The following TMEM267 variants were observed in gnomAD, a reference collection of about 807,000 sequenced individuals.
TMEM267 encodes the protein transmembrane protein 267.
Under a neutral mutation model 19.3 loss-of-function variants are expected in TMEM267, and 20 were observed. That is an observed-to-expected ratio of 1.04 (90% CI 0.73 to 1.51). The LOEUF is 1.51. Among genes scored for constraint, TMEM267 ranks in the 40% most tolerant of loss-of-function variants. The pLI, the probability that TMEM267 is intolerant of heterozygous loss-of-function variation, is 0.00. For synonymous variants in TMEM267, 88 were observed against 90.3 expected, an observed-to-expected ratio of 0.97 and a Z score of 0.15; for missense variants, 242 against 261.9, an observed-to-expected ratio of 0.92 and a Z score of 0.52.
chr5:43,447,370 G>A (rs940875074), intron 2 of TMEM267, among the ~76,000 whole-genome samples: 8 of 152,080 alleles, frequency 5.3e-5, no homozygotes, highest in Non-Finnish European at 8.8e-5. Flanking sequence ...GATTACAGAC[G>A]TGAGCCATGA....
chr5:43,480,720 C>G (rs1744703100), intron 1 of TMEM267, among the ~76,000 whole-genome samples: 1 of 151,396 alleles, frequency 6.6e-6, no homozygotes, highest in African/African-American at 2.4e-5. Flanking sequence ...CCTTATAAAG[C>G]CAGTGCATTA....
chr5:43,457,045 T>C (rs190485783), intron 1 of TMEM267, among the ~76,000 whole-genome samples: 4 of 152,334 alleles, frequency 2.6e-5, no homozygotes, highest in Admixed American at 2.0e-4. Context: ...AAACATGTGA[T>C]ACACATAAAA....
rs1277032106 is a variant in TMEM267 at position 43,465,474 on chromosome 5, A to G, written c.-74-11431T>C. 3.9e-5 allele frequency among the ~76,000 whole-genome samples: 6 copies of G among 152,340 alleles called. No homozygotes were observed. In the East Asian group the frequency reaches 1.2e-3, roughly 29 times the overall value. ...CATCCCATTACTGGGTATATACCCAAAGGATTATAAATCATGCAGCTATAA... is the reference window on the plus strand; with the variant it reads ...CATCCCATTACTGGGTATATACCCAGAGGATTATAAATCATGCAGCTATAA... On this transcript the variant is annotated intron_variant, in intron 1 of 2. Transcript: ENST00000397080.
chr5:43,482,971 C>T (rs969288798), intron 1 of TMEM267, among the ~76,000 whole-genome samples: 2 of 152,226 alleles, frequency 1.3e-5, no homozygotes, highest in African/African-American at 4.8e-5. Flanking sequence ...CTCTTCCCCA[C>T]CAACCTTACA....
chr5:43,446,643 T>G, intron 2 of TMEM267, 86 bp from the exon 3 acceptor site: 1 of 850,792 alleles, frequency 1.2e-6, no homozygotes, highest in Non-Finnish European at 1.8e-6. Context: ...TAAAATATTT[T>G]CCAGAGTCTA....
At chr5:43,467,260 T>C (rs192793044) in intron 1 of TMEM267, among the ~76,000 whole-genome samples, 3 of 151,222 alleles carry the variant, frequency 2.0e-5, no homozygotes, top group Admixed American at 2.0e-4. Context: ...TAAATATAAA[T>C]GGACTAAATT....
At chr5:43,446,755 C>A (rs564897515) in intron 2 of TMEM267, among the ~76,000 whole-genome samples, 198 bp from the exon 3 acceptor site, 1 of 152,038 alleles carries the variant, frequency 6.6e-6, no homozygotes, top group African/African-American at 2.4e-5. Context: ...ATATCCTTTA[C>A]ATTAAAAATA....
In TMEM267 at chr5:43,454,061, G is replaced by A; in HGVS notation, c.-74-18C>T. 6.9e-7 allele frequency: 1 copy of A among 1,457,666 alleles called. No homozygotes were observed. The allele number at this position is 1,457,666 out of a possible 1,614,324, so 90.3% of individuals were successfully genotyped here. On this transcript the variant is annotated intron_variant, in intron 1 of 2. Transcript: ENST00000397080. ...CCAGCACCCTAAAGGAGAAAGTAGA[G>A]AAAAATATGAATGAAGATTATGGAC...
intron 1 of TMEM267, among the ~76,000 whole-genome samples, chr5:43,481,324 GC>G (rs2112228363): frequency 6.6e-6 from 1 of 151,582 alleles, no homozygotes; most frequent in African/African-American, 2.4e-5. Flanking sequence ...CTGGTCTTCA[GC>G]TCCTGGCCTC....
At chr5:43,456,737 C>A (rs1742974933) in intron 1 of TMEM267, among the ~76,000 whole-genome samples, 1 of 152,170 alleles carries the variant, frequency 6.6e-6, no homozygotes, top group Non-Finnish European at 1.5e-5. Flanking sequence ...AAATTAAAGA[C>A]TGACAATCCC....
chr5:43,446,517 GAACAGT>G lies in TMEM267; in HGVS notation c.347_352del (p.His116_Ser118delinsPro). The G allele has an allele frequency of 6.2e-7, 1 of 1,613,746 alleles. No individual in the cohort carries two copies. The highest frequency in any genetic ancestry group is 8.5e-7 in the Non-Finnish European group (1 of 1,179,722). Reference sequence around the variant, plus strand: ...CAGAACCACAACGGGAATCACAGTAGAACAGTGAAGGAAAGGTCTTCGCGGGAGAGT... The same window carrying G: ...CAGAACCACAACGGGAATCACAGTAGGAAGGAAAGGTCTTCGCGGGAGAGT... On this transcript the variant is annotated inframe_deletion, in exon 3 of 3. Coordinates refer to ENST00000397080, the MANE Select transcript of TMEM267 (RefSeq NM_022483.5).
intron 1 of TMEM267, among the ~76,000 whole-genome samples, chr5:43,464,084 G>A (rs1257438828): frequency 1.3e-5 from 2 of 152,170 alleles, no homozygotes; most frequent in South Asian, 2.1e-4. Context: ...ATCTCCTTAA[G>A]TTGATAAGCA....
rs70994700 is a variant in TMEM267, at chr5:43,481,106, CTTTTTTTTT to C, written c.-75+2707_-75+2715del. On this transcript the variant is annotated intron_variant, in intron 1 of 2. Coordinates refer to ENST00000397080, the MANE Select transcript of TMEM267 (RefSeq NM_022483.5). ...GGCGTGAGCCACTGCGCCCGGCTTA[CTTTTTTTTT>C]TTTTTTTTTTTGACAAGGTATCTCT... Among the ~76,000 whole-genome samples the C allele has an allele frequency of 4.8e-5, 6 of 124,454 alleles. No individual in the cohort carries two copies. In the East Asian group the frequency reaches 9.6e-4, roughly 20 times the overall value. The allele number at this position is 124,454 out of a possible 152,430, so 81.6% of individuals were successfully genotyped here.
chr5:43,455,854 AT>A (rs554676059), intron 1 of TMEM267, among the ~76,000 whole-genome samples: 2 of 150,204 alleles, frequency 1.3e-5, no homozygotes, highest in South Asian at 2.1e-4. Context: ...TGCCCAGCCA[AT>A]TTTTTTTTAT....
chr5:43,445,417 A>G lies in TMEM267; in HGVS notation c.*805T>C, dbSNP rs1217656504. 1.3e-5 allele frequency: 2 copies of G among 152,110 alleles called. No individual in the cohort carries two copies. Among genetic ancestry groups the G allele is most frequent in the African/African-American group, 4.8e-5 (2 of 41,450 alleles). 9.4% of individuals were successfully genotyped at this position (152,110 alleles called of 1,614,324 possible). A position where few individuals can be genotyped will look rare whatever the true frequency, so the allele number is the denominator to read the frequency against. ...TTTTTTTTGCATAAATTCAAATGTT[A>G]CGGTTATGATCCAAATATCAACATT... On this transcript the variant is annotated 3_prime_UTR_variant, in exon 3 of 3. Transcript: ENST00000397080.
intron 1 of TMEM267, among the ~76,000 whole-genome samples, chr5:43,460,848 G>A (rs1177650431): frequency 6.6e-6 from 1 of 152,210 alleles, no homozygotes; most frequent in Non-Finnish European, 1.5e-5. Context: ...GCCACTGAGG[G>A]CTACAGTGCC....
chr5:43,449,668 A>G (rs190034889), intron 2 of TMEM267, among the ~76,000 whole-genome samples: 1 of 152,326 alleles, frequency 6.6e-6, no homozygotes, highest in East Asian at 1.9e-4. Context: ...CAACAAAAGC[A>G]CTTTTATGTA....
At chr5:43,454,949 C>G (rs1392000928) in intron 1 of TMEM267, among the ~76,000 whole-genome samples, 1 of 152,064 alleles carries the variant, frequency 6.6e-6, no homozygotes, top group East Asian at 1.9e-4. Context: ...TGTTTTAATC[C>G]TGAGACTAAA....
chr5:43,450,549 A>T (rs1191159672), intron 2 of TMEM267, among the ~76,000 whole-genome samples: 2 of 152,240 alleles, frequency 1.3e-5, no homozygotes, highest in African/African-American at 2.4e-5. Context: ...TGTGGTAGGT[A>T]GCATTTTACA....
Sources: gnomAD v4.1 joint callset for allele counts (sites outside exome capture counted in the v4.1 genomes callset) on GRCh38, gnomAD v4.1.1 for gene constraint, MANE v1.5 for transcripts, NCBI Gene and HGNC (gene_info 2026-07-23, HGNC 2026-07-21) for gene names.